Variants in SMCO4 observed in about 807,000 individuals in gnomAD.
SMCO4 encodes the protein single-pass membrane and coiled-coil domain-containing protein 4.
A neutral mutation model predicts 3.6 loss-of-function variants in SMCO4; 4 were observed. The ratio of observed to expected loss-of-function variants is 1.11; its 90% confidence interval spans 0.54 to 2.53. SMCO4 has a LOEUF of 2.53. SMCO4 is among the 30% of genes most tolerant of loss of function. SMCO4 has a pLI of 0.02. For synonymous variants in SMCO4, 36 were observed against 35.3 expected, an observed-to-expected ratio of 1.02 and a Z score of -0.07; for missense variants, 70 against 80.8, an observed-to-expected ratio of 0.87 and a Z score of 0.51.
At chr11:93,533,381 A>G (rs1176769095) in intron 1 of SMCO4, among the ~76,000 whole-genome samples, 1 of 152,194 alleles carries the variant, frequency 6.6e-6, no homozygotes, top group Non-Finnish European at 1.5e-5. Flanking sequence ...AGACCTTTGT[A>G]AAGTGCCTAA....
In SMCO4 at chr11:93,538,359, A is replaced by G. The variant is rs1202361780; in HGVS notation, c.-154+4917T>C. On this transcript the variant is annotated intron_variant, in intron 1 of 2. Transcript: ENST00000298966. The stretch of plus-strand genomic sequence containing the variant: ...GCAGATCAACTCTTATGGAATAGCC[A>G]AAACTGAGGACCAAACCCTGGTGGG... Among the ~76,000 whole-genome samples the G allele has an allele frequency of 3.3e-5, 5 of 152,214 alleles. No homozygotes were observed. The East Asian group carries it at 7.7e-4, about 23-fold the overall frequency.
chr11:93,534,363 T>TAGAG (rs1395521002), intron 1 of SMCO4, among the ~76,000 whole-genome samples: 3 of 75,256 alleles, frequency 4.0e-5, no homozygotes, highest in Non-Finnish European at 8.7e-5. Flanking sequence ...CATACATATA[T>TAGAG]ATATATATAT....
chr11:93,528,644 A>AG (rs34001456), intron 1 of SMCO4, among the ~76,000 whole-genome samples: 119,753 of 152,104 alleles, frequency 0.79, 47,508 homozygotes, highest in South Asian at 0.86. Context: ...CCAGGGAGAC[A>AG]GTGCAAGGGG....
chr11:93,488,655 G>A (rs1481659068), intron 2 of SMCO4, among the ~76,000 whole-genome samples: 2 of 152,130 alleles, frequency 1.3e-5, no homozygotes, highest in Non-Finnish European at 2.9e-5. Flanking sequence ...GGCGGGTGGG[G>A]ACAGCTGGAG....
At chr11:93,511,565 A>G (rs2605619) in intron 1 of SMCO4, among the ~76,000 whole-genome samples, 16,493 of 152,136 alleles carry the variant, frequency 0.11, 1,078 homozygotes, top group East Asian at 0.31. Context: ...AACATCCCAA[A>G]GATGTTGGAG....
intron 2 of SMCO4, among the ~76,000 whole-genome samples, chr11:93,480,145 G>C (rs1241445682): frequency 6.6e-6 from 1 of 152,200 alleles, no homozygotes; most frequent in Non-Finnish European, 1.5e-5. Context: ...GACTTCAGCT[G>C]ATTTAAATCG....
intron 1 of SMCO4, among the ~76,000 whole-genome samples, chr11:93,508,355 A>G (rs1439287281): frequency 6.6e-6 from 1 of 152,216 alleles, no homozygotes; most frequent in Admixed American, 6.5e-5. Context: ...GGACAGCATA[A>G]AAGTGCCTCT....
chr11:93,529,310 G>T (rs1333070683), intron 1 of SMCO4, among the ~76,000 whole-genome samples: 2 of 152,190 alleles, frequency 1.3e-5, no homozygotes, highest in Non-Finnish European at 2.9e-5. Flanking sequence ...TTTCATTTTG[G>T]ATGGGTGTGT....
chr11:93,544,013 GCAAGAGGCC>G (rs1403856470), upstream of SMCO4, among the ~76,000 whole-genome samples: 8 of 152,202 alleles, frequency 5.3e-5, no homozygotes, highest in African/African-American at 9.6e-5. Flanking sequence ...CGCCAAATCC[GCAAGAGGCC>G]CACGGCTAAA....
At chr11:93,481,457 G>A (rs897555) in intron 2 of SMCO4, 156,146 of 985,086 alleles carry the variant, frequency 0.16, 12,732 homozygotes, top group Non-Finnish European at 0.17. Flanking sequence ...TGAGGATGGA[G>A]TAGGAAGCTG....
intron 1 of SMCO4, chr11:93,535,785 C>T (rs1044344348): frequency 1.9e-6 from 3 of 1,583,916 alleles, no homozygotes; most frequent in African/African-American, 3.7e-5. Context: ...CTAAGAAGAC[C>T]AAAGCAGCAG....
intron 2 of SMCO4, among the ~76,000 whole-genome samples, chr11:93,486,475 TAA>T (rs1948651984): frequency 6.6e-6 from 1 of 152,180 alleles, no homozygotes; most frequent in Non-Finnish European, 1.5e-5. Flanking sequence ...TGGCAGCAGG[TAA>T]AGTCTGTTGC....
intron 2 of SMCO4, among the ~76,000 whole-genome samples, chr11:93,491,861 T>C (rs935450538): frequency 6.6e-6 from 1 of 152,202 alleles, no homozygotes; most frequent in Non-Finnish European, 1.5e-5. Flanking sequence ...AGGTGTGGGC[T>C]AACAGCCCCT....
upstream of SMCO4, among the ~76,000 whole-genome samples, chr11:93,546,767 C>T (rs1366184950): frequency 6.6e-6 from 1 of 151,830 alleles, no homozygotes; most frequent in Non-Finnish European, 1.5e-5. Flanking sequence ...TTCCTATGTG[C>T]TGGTGATAAA....
At chr11:93,524,239 CA>C (rs1949085638) in intron 1 of SMCO4, among the ~76,000 whole-genome samples, 1 of 152,164 alleles carries the variant, frequency 6.6e-6, no homozygotes, top group Non-Finnish European at 1.5e-5. Context: ...CAGAAAGGTT[CA>C]GTAACCAGCT....
rs148055452 is a variant in SMCO4, at chr11:93,530,621, G to A, written c.-154+12655C>T. ...AAAGGCCACAGTCCACGCAAAGAAG[G>A]ACCTCTTGATCCTCATCCTCTTCTT... On this transcript the variant is annotated intron_variant, in intron 1 of 2. Coordinates refer to ENST00000298966, the MANE Select transcript of SMCO4 (RefSeq NM_020179.3). 5.9e-4 allele frequency among the ~76,000 whole-genome samples: 90 copies of A among 152,216 alleles called. 2 individuals are homozygous for A. In the East Asian group the frequency reaches 0.017, roughly 29 times the overall value.
At chr11:93,481,493 G>A (rs572029328) in intron 2 of SMCO4, 44 of 985,290 alleles carry the variant, frequency 4.5e-5, no homozygotes, top group South Asian at 9.4e-5. Context: ...GGCACAGAGC[G>A]GGCGGCGAAT....
At chr11:93,519,617 T>C (rs1949039991) in intron 1 of SMCO4, among the ~76,000 whole-genome samples, 1 of 152,112 alleles carries the variant, frequency 6.6e-6, no homozygotes, top group African/African-American at 2.4e-5. Flanking sequence ...CAAGATGAGC[T>C]CTGGTGAGCT....
At chr11:93,536,753 G>A (rs761588873) in intron 1 of SMCO4, among the ~76,000 whole-genome samples, 4 of 152,106 alleles carry the variant, frequency 2.6e-5, no homozygotes, top group Non-Finnish European at 5.9e-5. Context: ...CAGGCTGCAG[G>A]AGAATACATT....
Sources: gnomAD v4.1 joint callset for allele counts (sites outside exome capture counted in the v4.1 genomes callset) on GRCh38, gnomAD v4.1.1 for gene constraint, MANE v1.5 for transcripts, NCBI Gene and HGNC (gene_info 2026-07-23, HGNC 2026-07-21) for gene names.